Variants in FHIP1A observed in about 807,000 individuals in gnomAD.
The protein encoded by FHIP1A is FHF complex subunit HOOK interacting protein 1A.
FHIP1A carries 61 observed loss-of-function variants against 88.6 expected under a neutral mutation model. The ratio of observed to expected loss-of-function variants is 0.69; its 90% CI spans 0.56 to 0.85. The LOEUF is 0.85. Ranked by LOEUF, FHIP1A falls within the 40% of genes least tolerant of loss-of-function variation. FHIP1A has a pLI of 0.00. For synonymous variants in FHIP1A, 478 were observed against 496.0 expected (o/e 0.96, Z 0.48); for missense variants, 1,154 against 1,273.5 (o/e 0.91, Z 1.43).
In FHIP1A at chr4:151,626,727, A is replaced by G. The variant is rs532821529; in HGVS notation, c.979-2975A>G. Among the ~76,000 whole-genome samples the G allele has an allele frequency of 2.6e-5, 4 of 152,362 alleles. No individual in the cohort carries two copies. In the South Asian group the frequency reaches 8.3e-4, roughly 32 times the overall value. The stretch of plus-strand genomic sequence containing the variant: ...CAATTCTTTATAAAACAAATTAAAT[A>G]AATATTGATAGTCATCTCTAAGACA... On this transcript the variant is annotated intron_variant, in intron 7 of 13. Coordinates refer to ENST00000435205, the MANE Select transcript of FHIP1A (RefSeq NM_001109977.3).
At chr4:151,441,494 A>G (rs1728412394) in intron 1 of FHIP1A, among the ~76,000 whole-genome samples, 1 of 152,184 alleles carries the variant, frequency 6.6e-6, no homozygotes, top group Non-Finnish European at 1.5e-5. Flanking sequence ...ATATATTTTT[A>G]AAAGTAATTT....
chr4:151,533,518 G>C (rs1158947404), intron 3 of FHIP1A, among the ~76,000 whole-genome samples: 2 of 152,220 alleles, frequency 1.3e-5, no homozygotes, highest in African/African-American at 4.8e-5. Context: ...AGAAAAATTA[G>C]TTTTGAAAAT....
intron 7 of FHIP1A, among the ~76,000 whole-genome samples, chr4:151,609,796 C>T (rs745823651): frequency 1.2e-4 from 18 of 151,944 alleles, no homozygotes; most frequent in Non-Finnish European, 2.2e-4. Flanking sequence ...ACTAATTGGC[C>T]GTAGGATCTA....
rs377743758 is a variant in FHIP1A, at chr4:151,624,265, C to G, written c.979-5437C>G. 1.6e-4 allele frequency among the ~76,000 whole-genome samples: 25 copies of G among 152,292 alleles called. No individual in the cohort carries two copies. In the East Asian group the frequency reaches 4.4e-3, roughly 27 times the overall value. On this transcript the variant is annotated intron_variant, in intron 7 of 13. Coordinates refer to ENST00000435205, the MANE Select transcript of FHIP1A (RefSeq NM_001109977.3). ...GTAGTCAGTGTTTATTCAGGTACCT[C>G]AAATTTGGGCCAGTTAAATGCATTG...
At chr4:151,492,629 T>TG (rs1730325251) in intron 3 of FHIP1A, among the ~76,000 whole-genome samples, 2 of 150,210 alleles carry the variant, frequency 1.3e-5, no homozygotes, top group Non-Finnish European at 3.0e-5. Context: ...TTATATCAAG[T>TG]ACTCCTCTCT....
chr4:151,517,142 G>A (rs1170795692), intron 3 of FHIP1A, among the ~76,000 whole-genome samples: 3 of 152,132 alleles, frequency 2.0e-5, no homozygotes, highest in Non-Finnish European at 4.4e-5. Flanking sequence ...ATGAGTTCGT[G>A]TCCTTTGTAG....
At chr4:151,524,664 C>T (rs1481302724) in intron 3 of FHIP1A, among the ~76,000 whole-genome samples, 2 of 152,188 alleles carry the variant, frequency 1.3e-5, no homozygotes, top group Non-Finnish European at 2.9e-5. Context: ...TTAGATAATG[C>T]AGAACTAAAG....
At chr4:151,549,732 T>C (rs1439513009) in intron 3 of FHIP1A, among the ~76,000 whole-genome samples, 1 of 152,194 alleles carries the variant, frequency 6.6e-6, no homozygotes, top group East Asian at 1.9e-4. Flanking sequence ...CTTTACTCTA[T>C]GGACTCACCT....
intron 7 of FHIP1A, among the ~76,000 whole-genome samples, chr4:151,611,220 G>A (rs910782670): frequency 6.6e-6 from 1 of 152,110 alleles, no homozygotes; most frequent in Non-Finnish European, 1.5e-5. Flanking sequence ...CACTTGCACA[G>A]GGGTGGGTGG....
At chr4:151,533,706 G>A (rs1259263127) in intron 3 of FHIP1A, among the ~76,000 whole-genome samples, 2 of 152,188 alleles carry the variant, frequency 1.3e-5, no homozygotes, top group African/African-American at 4.8e-5. Context: ...CATTTACCCT[G>A]AATTCAAGAC....
At chr4:151,446,479 T>C (rs1728606661) in intron 1 of FHIP1A, among the ~76,000 whole-genome samples, 1 of 108,980 alleles carries the variant, frequency 9.2e-6, no homozygotes, top group Non-Finnish European at 2.1e-5. Context: ...TTCCCTTTCC[T>C]TTTCCTTTTT....
intron 9 of FHIP1A, among the ~76,000 whole-genome samples, chr4:151,644,649 A>G (rs1313767784): frequency 2.0e-5 from 3 of 151,748 alleles, no homozygotes; most frequent in Admixed American, 6.6e-5. Context: ...ACAGTACCCC[A>G]CCCCCAAATA....
At chr4:151,502,403 T>G (rs1730686298) in intron 3 of FHIP1A, among the ~76,000 whole-genome samples, 1 of 151,754 alleles carries the variant, frequency 6.6e-6, no homozygotes, top group Non-Finnish European at 1.5e-5. Flanking sequence ...TAATATCAGT[T>G]TAAAAAAATA....
chr4:151,467,529 G>A (rs961750461), intron 2 of FHIP1A, among the ~76,000 whole-genome samples: 2 of 152,176 alleles, frequency 1.3e-5, no homozygotes, highest in African/African-American at 2.4e-5. Flanking sequence ...GCACACATAT[G>A]TTTACTCCAG....
At chr4:151,602,536 T>C (rs1265836761) in intron 7 of FHIP1A, among the ~76,000 whole-genome samples, 1 of 151,990 alleles carries the variant, frequency 6.6e-6, no homozygotes, top group East Asian at 1.9e-4. Flanking sequence ...GAGAGTGACA[T>C]TGTGCCGAAC....
chr4:151,531,359 T>C (rs753937972), intron 3 of FHIP1A, among the ~76,000 whole-genome samples: 2 of 152,054 alleles, frequency 1.3e-5, no homozygotes, highest in Non-Finnish European at 2.9e-5. Context: ...GGAGGGGCCT[T>C]CTGTGCTTTC....
intron 3 of FHIP1A, among the ~76,000 whole-genome samples, chr4:151,531,235 A>G (rs1181346321): frequency 6.6e-6 from 1 of 151,546 alleles, no homozygotes; most frequent in African/African-American, 2.4e-5. Context: ...ATAATTAGGG[A>G]CATTTGGAAC....
At chr4:151,418,413 A>G (rs904988707) in intron 1 of FHIP1A, among the ~76,000 whole-genome samples, 2 of 152,216 alleles carry the variant, frequency 1.3e-5, no homozygotes, top group Admixed American at 6.5e-5. Context: ...TGCTATAGAT[A>G]GTAAGAACCA....
intron 2 of FHIP1A, among the ~76,000 whole-genome samples, chr4:151,478,092 A>C (rs1729769625): frequency 6.6e-6 from 1 of 152,194 alleles, no homozygotes; most frequent in African/African-American, 2.4e-5. Context: ...TAATGGCTAA[A>C]GGTTGGAAAC....
Sources: gnomAD v4.1 joint callset for allele counts (sites outside exome capture counted in the v4.1 genomes callset) on GRCh38, gnomAD v4.1.1 for gene constraint, MANE v1.5 for transcripts, NCBI Gene and HGNC (gene_info 2026-07-23, HGNC 2026-07-21) for gene names.